Variants in USP43 observed in about 807,000 individuals in gnomAD.
USP43 encodes ubiquitin carboxyl-terminal hydrolase 43.
Under a neutral mutation model 90.7 loss-of-function variants are expected in USP43, and 33 were observed. The ratio of observed to expected loss-of-function variants is 0.36; its 90% CI spans 0.28 to 0.49. The LOEUF (loss-of-function observed/expected upper bound fraction) is 0.49, where lower values mean the gene tolerates loss of function less well. USP43 is among the 20% of genes least tolerant of loss of function. The pLI is 0.98. For synonymous variants in USP43, 598 were observed against 615.8 expected, an observed-to-expected ratio of 0.97 and a Z score of 0.43; for missense variants, 1,274 against 1,476.4, an observed-to-expected ratio of 0.86 and a Z score of 2.25.
chr17:9,672,622 G>C (rs1424421119), intron 3 of USP43, among the ~76,000 whole-genome samples: 1 of 152,176 alleles, frequency 6.6e-6, no homozygotes, highest in East Asian at 1.9e-4. Flanking sequence ...AGAAGGATTG[G>C]AGGAGAGACG....
At chr17:9,693,004 GA>G in intron 8 of USP43, 122 bp from the exon 9 acceptor site, 1 of 773,608 alleles carries the variant, frequency 1.3e-6, no homozygotes. Context: ...ATTATTACGG[GA>G]ATATTCAAAA....
Position 9,656,543 on chromosome 17 carries a change from C to A in USP43, c.636+9C>A. 6.2e-7 allele frequency: 1 copy of A among 1,608,666 alleles called. No individual in the cohort carries two copies. The highest frequency in any genetic ancestry group is 8.5e-7 in the Non-Finnish European group (1 of 1,177,740). ...GGCCGGTGTCGGAGAAGGTCGGTCA[C>A]TCTCAAAACAACACAATGTACTGGG... On this transcript the variant is annotated intron_variant, in intron 2 of 14. Coordinates refer to ENST00000285199, the MANE Select transcript of USP43 (RefSeq NM_153210.5).
chr17:9,696,052 C>G (rs1915237359), intron 9 of USP43, among the ~76,000 whole-genome samples: 1 of 152,036 alleles, frequency 6.6e-6, no homozygotes, highest in Non-Finnish European at 1.5e-5. Flanking sequence ...CTTCCTCTCC[C>G]TCTCTGGGAT....
chr17:9,671,168 C>A (rs954079989), intron 3 of USP43, among the ~76,000 whole-genome samples: 4 of 152,190 alleles, frequency 2.6e-5, no homozygotes, highest in African/African-American at 9.7e-5. Flanking sequence ...AGATCCTGGA[C>A]TATAGCAAAG....
chr17:9,693,464 A>T (rs1915082973), intron 9 of USP43, among the ~76,000 whole-genome samples: 1 of 152,182 alleles, frequency 6.6e-6, no homozygotes, highest in African/African-American at 2.4e-5. Flanking sequence ...CAACGTTCTC[A>T]GAGGTTAGTT....
intron 6 of USP43, 140 bp from the exon 7 acceptor site, chr17:9,682,683 C>A (rs1776104779): frequency 1.9e-6 from 2 of 1,047,644 alleles, no homozygotes; most frequent in African/African-American, 1.6e-5. Context: ...TCATTATCTC[C>A]TCCCCTAAAG....
At chr17:9,668,974 T>A (rs979303072) in intron 3 of USP43, among the ~76,000 whole-genome samples, 3 of 152,042 alleles carry the variant, frequency 2.0e-5, no homozygotes, top group African/African-American at 4.8e-5. Context: ...TAGCTGGGAT[T>A]ACAGGTGCGT....
At chr17:9,718,840 CAAAAAAAAGAAAAA>C (rs1916763115) in intron 14 of USP43, among the ~76,000 whole-genome samples, 1 of 150,438 alleles carries the variant, frequency 6.6e-6, no homozygotes, top group Non-Finnish European at 1.5e-5. Context: ...AACTCCGTCT[CAAAAAAAAGAAAAA>C]GAAAAAAAGA....
At chr17:9,691,393 C>T (rs1340511940) in intron 8 of USP43, among the ~76,000 whole-genome samples, 3 of 152,134 alleles carry the variant, frequency 2.0e-5, no homozygotes, top group Non-Finnish European at 2.9e-5. Flanking sequence ...GCTGGGATTA[C>T]AGGCGTGAGC....
At chr17:9,678,813 A>C (rs866661589) in intron 5 of USP43, among the ~76,000 whole-genome samples, 1 of 147,074 alleles carries the variant, frequency 6.8e-6, no homozygotes, top group Non-Finnish European at 1.5e-5. Context: ...CTTTTCTGGG[A>C]TGAAGTACAT....
At chr17:9,657,232 C>T (rs1030874066) in intron 2 of USP43, among the ~76,000 whole-genome samples, 12 of 152,228 alleles carry the variant, frequency 7.9e-5, no homozygotes, top group African/African-American at 2.2e-4. Context: ...TGAGGCCGGG[C>T]GCGGTGACTC....
chr17:9,695,079 C>T (rs1317637443), intron 9 of USP43, among the ~76,000 whole-genome samples: 2 of 152,226 alleles, frequency 1.3e-5, no homozygotes, highest in East Asian at 3.9e-4. Context: ...GGTCACACCC[C>T]TCCTGGCCCG....
At chr17:9,711,291 C>T (rs1916182204) in intron 13 of USP43, among the ~76,000 whole-genome samples, 1 of 152,160 alleles carries the variant, frequency 6.6e-6, no homozygotes, top group Admixed American at 6.5e-5. Flanking sequence ...CCTCTGACTA[C>T]AGCTCTGAGT....
At chr17:9,657,532 A>C (rs182738658) in intron 2 of USP43, among the ~76,000 whole-genome samples, 52 of 152,128 alleles carry the variant, frequency 3.4e-4, no homozygotes, top group Non-Finnish European at 2.9e-5. Context: ...AAGGAGACAT[A>C]CCTGAGACTG....
intron 1 of USP43, among the ~76,000 whole-genome samples, chr17:9,646,680 C>T (rs1911426557): frequency 6.6e-6 from 1 of 152,070 alleles, no homozygotes; most frequent in Non-Finnish European, 1.5e-5. Context: ...GGCGTTGGAG[C>T]TTAGGAGGCA....
rs200318515 is a variant in USP43, at chr17:9,728,210, A to C, written c.2592A>C (p.Ala864=). The C allele has an allele frequency of 1.2e-6, 2 of 1,613,948 alleles. No homozygotes were observed. The highest frequency in any genetic ancestry group is 2.7e-5 in the African/African-American group (2 of 75,054). ...CTGCGGGTGAGGATGAGAAGTCAGC[A>C]TCGCCGAGGTCCAACGTCGCCCTTC... The part of the protein sequence containing the change: ...TGTAGEDEKS[A]SPRSNVALPA... Residue 864 remains alanine, a synonymous_variant, in exon 15 of 15, where the codon GCA becomes GCC. Transcript: ENST00000285199. This position sits in a 1 kb window ranked among gnomAD's most constrained non-coding sequence, Gnocchi z 6.2.
intron 5 of USP43, among the ~76,000 whole-genome samples, chr17:9,679,607 G>T (rs1360913980): frequency 6.9e-6 from 1 of 144,116 alleles, no homozygotes; most frequent in Non-Finnish European, 1.5e-5. Context: ...CTCACTGCAA[G>T]CTCCGCCTCC....
At chr17:9,658,296 GTCTGT>G (rs1333988824) in intron 2 of USP43, among the ~76,000 whole-genome samples, 1 of 151,840 alleles carries the variant, frequency 6.6e-6, no homozygotes, top group Non-Finnish European at 1.5e-5. Flanking sequence ...CCTTAAATTT[GTCTGT>G]TTCCTTTATG....
At chr17:9,694,535 G>A (rs1915146185) in intron 9 of USP43, among the ~76,000 whole-genome samples, 1 of 152,150 alleles carries the variant, frequency 6.6e-6, no homozygotes, top group Admixed American at 6.5e-5. Context: ...TAATATGATG[G>A]ATATGATAAT....
Sources: allele counts gnomAD v4.1 joint callset (sites outside exome capture counted in the v4.1 genomes callset), GRCh38; gene constraint gnomAD v4.1.1; non-coding constraint Gnocchi (gnomAD v3.1); transcripts MANE v1.5; gene names NCBI Gene and HGNC (gene_info 2026-07-23, HGNC 2026-07-21).